COL25A1: variants seen among roughly 807,000 people sequenced by gnomAD.
COL25A1 encodes the protein collagen alpha-1(XXV) chain.
A neutral mutation model predicts 128.4 loss-of-function variants in COL25A1; 103 were observed. The ratio of observed to expected loss-of-function variants is 0.80; its 90% CI spans 0.68 to 0.94. COL25A1 has a LOEUF of 0.94. Among genes scored for constraint, COL25A1 ranks in the 40% least tolerant of loss-of-function variants. The pLI, the probability that COL25A1 is intolerant of heterozygous loss-of-function variation, is 0.00. For synonymous variants in COL25A1, 279 were observed against 277.2 expected, an observed-to-expected ratio of 1.01 and a Z score of -0.06; for missense variants, 745 against 840.0, an observed-to-expected ratio of 0.89 and a Z score of 1.40.
At position 108,871,594 on chromosome 4, in the gene COL25A1, G is replaced by T. The variant is rs555327256; in HGVS notation, c.1021-2444C>A. On this transcript the variant is annotated intron_variant, in intron 19 of 37. Transcript: ENST00000399132. ...GCCTCCCAAAGTGCTGGGATTACAG[G>T]CGTGAGCCACCGCACCGGGCCTGAT... Among the ~76,000 whole-genome samples the T allele has an allele frequency of 1.3e-3, 199 of 152,324 alleles. No homozygotes were observed. In the Middle Eastern group the frequency reaches 0.014, roughly 10 times the overall value.
intron 3 of COL25A1, among the ~76,000 whole-genome samples, chr4:109,224,709 G>A (rs2126213442): frequency 6.6e-6 from 1 of 152,298 alleles, no homozygotes; most frequent in African/African-American, 2.4e-5. Flanking sequence ...GGAGTCCGAA[G>A]TGGGTGGATC....
intron 8 of COL25A1, among the ~76,000 whole-genome samples, chr4:108,966,694 T>TA (rs575336281): frequency 8.6e-5 from 13 of 151,108 alleles, no homozygotes; most frequent in Middle Eastern, 3.4e-3. Flanking sequence ...TACTAAAAAT[T>TA]AAAAAAAATA....
At chr4:108,997,940 A>C (rs958116961) in intron 6 of COL25A1, among the ~76,000 whole-genome samples, 1 of 152,076 alleles carries the variant, frequency 6.6e-6, no homozygotes, top group Non-Finnish European at 1.5e-5. Context: ...CATGCTAAAA[A>C]CTCTCAATAA....
In COL25A1 at chr4:108,952,377, T is replaced by C. The variant is rs554215573; in HGVS notation, c.493-10940A>G. Among the ~76,000 whole-genome samples, 64 of 152,240 alleles carry C rather than the reference T, an allele frequency of 4.2e-4. 1 individual carries two copies. In the South Asian group the frequency reaches 0.012, roughly 29 times the overall value. On this transcript the variant is annotated intron_variant, in intron 8 of 37. Transcript: ENST00000399132. ...AATGAAAAAAATTCTCCAGAAGTCC[T>C]GTTTAGAAGGTCAATTTGATTGTCA...
At chr4:108,855,929 C>A (rs1298666132) in intron 24 of COL25A1, among the ~76,000 whole-genome samples, 1 of 152,070 alleles carries the variant, frequency 6.6e-6, no homozygotes, top group African/African-American at 2.4e-5. Flanking sequence ...ATAAACTCAA[C>A]AGGATTCTCT....
intron 3 of COL25A1, among the ~76,000 whole-genome samples, chr4:109,115,682 A>T (rs557163212): frequency 6.6e-6 from 1 of 152,208 alleles, no homozygotes; most frequent in East Asian, 1.9e-4. Context: ...GCAATAAAAA[A>T]GAAGTGTAAC....
intron 3 of COL25A1, among the ~76,000 whole-genome samples, chr4:109,270,172 C>A (rs1322377726): frequency 6.6e-6 from 1 of 152,026 alleles, no homozygotes; most frequent in Non-Finnish European, 1.5e-5. Flanking sequence ...GACAGGGATG[C>A]CCTCTCTCAC....
At chr4:109,189,099 C>T (rs766128224) in intron 3 of COL25A1, among the ~76,000 whole-genome samples, 1 of 151,922 alleles carries the variant, frequency 6.6e-6, no homozygotes, top group African/African-American at 2.4e-5. Context: ...ATGTATAATT[C>T]TCTTACTGTT....
intron 11 of COL25A1, among the ~76,000 whole-genome samples, chr4:108,932,549 G>T (rs1003176109): frequency 6.6e-6 from 1 of 152,096 alleles, no homozygotes; most frequent in African/African-American, 2.4e-5. Flanking sequence ...ACGTTATGGA[G>T]TTTATATATA....
At chr4:108,975,561 T>C (rs1479822308) in intron 6 of COL25A1, among the ~76,000 whole-genome samples, 1 of 152,224 alleles carries the variant, frequency 6.6e-6, no homozygotes, top group Non-Finnish European at 1.5e-5. Context: ...AGACTATACA[T>C]ATGTTCGGTT....
chr4:108,912,787 C>A (rs1186115068), intron 13 of COL25A1, among the ~76,000 whole-genome samples: 1 of 152,070 alleles, frequency 6.6e-6, no homozygotes, highest in Non-Finnish European at 1.5e-5. Flanking sequence ...TTTATCTATT[C>A]TCTAAATATA....
In COL25A1 at chr4:109,096,712, A is replaced by G. The variant is rs374384856; in HGVS notation, c.368-46533T>C. Among the ~76,000 whole-genome samples, 4 of 152,366 alleles carry G rather than the reference A, an allele frequency of 2.6e-5. No homozygotes were observed. The East Asian group carries it at 5.8e-4, about 22-fold the overall frequency. On this transcript the variant is annotated intron_variant, in intron 3 of 37. Coordinates refer to ENST00000399132, the MANE Select transcript of COL25A1 (RefSeq NM_198721.4). ...AGTGTTAGCTTAATAGAAACTTTTCATAAGTTCAATTTCTATTTTTAATTT... is the reference window on the plus strand; with the variant it reads ...AGTGTTAGCTTAATAGAAACTTTTCGTAAGTTCAATTTCTATTTTTAATTT...
chr4:109,186,557 C>T (rs538987767), intron 3 of COL25A1, among the ~76,000 whole-genome samples: 1 of 152,224 alleles, frequency 6.6e-6, no homozygotes, highest in South Asian at 2.1e-4. Flanking sequence ...TAAGAATGTT[C>T]TAGCAGTTTC....
At position 109,260,940 on chromosome 4, in the gene COL25A1, T is replaced by C. The variant is rs1276791939; in HGVS notation, c.367+39643A>G. ...TGAAAGGACTAGCCCAATTTATTTC[T>C]GTATGTAAAAGTAATCTATAGATTA... is the stretch of plus-strand genomic sequence containing the variant. On this transcript the variant is annotated intron_variant, in intron 3 of 37. Transcript: ENST00000399132. 2.6e-5 allele frequency among the ~76,000 whole-genome samples: 4 copies of C among 152,338 alleles called. No individual in the cohort carries two copies. The East Asian group carries it at 7.7e-4, about 29-fold the overall frequency.
chr4:109,044,747 G>A (rs992893149), intron 5 of COL25A1, among the ~76,000 whole-genome samples: 2 of 152,146 alleles, frequency 1.3e-5, no homozygotes, highest in African/African-American at 4.8e-5. Flanking sequence ...CAGAATGGAG[G>A]CAAGGGCAAC....
chr4:109,144,222 G>T (rs1414821474), intron 3 of COL25A1, among the ~76,000 whole-genome samples: 1 of 152,198 alleles, frequency 6.6e-6, no homozygotes, highest in East Asian at 1.9e-4. Context: ...ATCACCAGCG[G>T]AGGCTGCAGA....
intron 5 of COL25A1, chr4:109,021,767 C>G (rs1204081934): frequency 1.3e-5 from 6 of 453,310 alleles, no homozygotes; most frequent in African/African-American, 1.2e-4. Context: ...AAAAGAATTG[C>G]ATTCCTGGGG....
chr4:109,163,976 A>T (rs1330726151), intron 3 of COL25A1, among the ~76,000 whole-genome samples: 4 of 152,200 alleles, frequency 2.6e-5, no homozygotes, highest in Non-Finnish European at 4.4e-5. Context: ...CAAGTAGTAA[A>T]ACCTGAGTAA....
chr4:109,281,409 CAAA>C (rs59962160), intron 3 of COL25A1, among the ~76,000 whole-genome samples: 1,546 of 102,246 alleles, frequency 0.015, 21 homozygotes, highest in African/African-American at 0.047. Flanking sequence ...CTTAAAATGG[CAAA>C]AAAAAAAAAA....
Sources: allele counts gnomAD v4.1 joint callset (sites outside exome capture counted in the v4.1 genomes callset), GRCh38; gene constraint gnomAD v4.1.1; transcripts MANE v1.5; gene names NCBI Gene and HGNC (gene_info 2026-07-23, HGNC 2026-07-21).